Variants in TLN2 observed in about 807,000 individuals in gnomAD.
TLN2 encodes the protein talin-2.
A neutral mutation model predicts 294.7 loss-of-function variants in TLN2; 118 were observed. The observed-to-expected ratio is 0.40, with a 90% CI of 0.34 to 0.47. The LOEUF is 0.47. Among genes scored for constraint, TLN2 ranks in the 20% least tolerant of loss-of-function variants. TLN2 has a pLI of 0.84. For missense variants in TLN2, 3,083 were observed against 3,282.2 expected, an observed-to-expected ratio of 0.94 and a Z score of 1.48; for synonymous variants, 1,431 against 1,304.5, an observed-to-expected ratio of 1.10 and a Z score of -2.09.
intron 19 of TLN2, among the ~76,000 whole-genome samples, chr15:62,703,515 C>T (rs1255123717): frequency 2.6e-5 from 4 of 151,850 alleles, no homozygotes; most frequent in Non-Finnish European, 5.9e-5. Context: ...TCATTAGTTC[C>T]TGGCCAGTCT....
intron 23 of TLN2, among the ~76,000 whole-genome samples, chr15:62,717,066 T>C (rs2059825179): frequency 6.6e-6 from 1 of 152,164 alleles, no homozygotes; most frequent in Admixed American, 6.5e-5. Flanking sequence ...CAGTCTGCTA[T>C]ATTCTGGAAG....
At chr15:62,698,026 G>T (rs929426498) in intron 15 of TLN2, among the ~76,000 whole-genome samples, 158 bp downstream of exon 15, 1 of 152,166 alleles carries the variant, frequency 6.6e-6, no homozygotes, top group East Asian at 1.9e-4. Context: ...TGGATGACTC[G>T]GATCACTGCC....
intron 1 of TLN2, among the ~76,000 whole-genome samples, chr15:62,394,394 T>C (rs544597364): frequency 6.6e-6 from 1 of 152,188 alleles, no homozygotes; most frequent in East Asian, 1.9e-4. Context: ...TTATTTTTAT[T>C]AGGTACAAAA....
chr15:62,620,229 G>A (rs930297789), intron 3 of TLN2, among the ~76,000 whole-genome samples: 4 of 151,948 alleles, frequency 2.6e-5, no homozygotes, highest in African/African-American at 4.8e-5. Context: ...AATCTTTATC[G>A]AGGTTTTAAA....
intron 1 of TLN2, among the ~76,000 whole-genome samples, chr15:62,504,581 T>C (rs536427836): frequency 1.3e-5 from 2 of 152,334 alleles, no homozygotes; most frequent in Admixed American, 1.3e-4. Flanking sequence ...GGAGAATGGA[T>C]GGGCTTTTCA....
intron 1 of TLN2, among the ~76,000 whole-genome samples, chr15:62,575,020 A>C (rs757879197): frequency 6.6e-6 from 1 of 152,174 alleles, no homozygotes; most frequent in African/African-American, 2.4e-5. Flanking sequence ...AAAGTTTATT[A>C]TCTGTTTCAG....
chr15:62,554,906 A>G (rs1465076137), intron 1 of TLN2, among the ~76,000 whole-genome samples: 1 of 152,126 alleles, frequency 6.6e-6, no homozygotes, highest in Non-Finnish European at 1.5e-5. Flanking sequence ...AGGGTCTGGC[A>G]GAGATGTAGA....
chr15:62,585,079 A>G (rs1402639305), intron 1 of TLN2, among the ~76,000 whole-genome samples: 1 of 152,168 alleles, frequency 6.6e-6, no homozygotes, highest in African/African-American at 2.4e-5. Context: ...ATGGAATTTG[A>G]TGACAAATGG....
At chr15:62,690,725 T>A (rs982907300) in intron 12 of TLN2, among the ~76,000 whole-genome samples, 1 of 149,766 alleles carries the variant, frequency 6.7e-6, no homozygotes, top group Non-Finnish European at 1.5e-5. Context: ...TCGGCACCAT[T>A]GAGCACTGAG....
chr15:62,783,647 C>A (rs1167226388), intron 44 of TLN2, 124 bp from the exon 45 acceptor site: 16 of 1,449,182 alleles, frequency 1.1e-5, no homozygotes, highest in Non-Finnish European at 1.5e-5. Context: ...GCCTTCACCC[C>A]CTCAGGAGCT....
Position 62,797,203 on chromosome 15 carries a change from C to T in TLN2, c.6051-16C>T. On this transcript the variant is annotated splice_polypyrimidine_tract_variant and intron_variant, in intron 47 of 58. Transcript: ENST00000636159. ...TCTGTCTCTCCCCCTCTCCCCTGCC[C>T]TCCTGGCTCTCTCAGGGAGAACATT... The T allele has an allele frequency of 6.2e-7, 1 of 1,614,058 alleles. No individual in the cohort carries two copies. The highest frequency in any genetic ancestry group is 8.5e-7 in the Non-Finnish European group (1 of 1,180,016).
intron 12 of TLN2, among the ~76,000 whole-genome samples, chr15:62,692,477 C>G (rs189344868): frequency 6.6e-6 from 1 of 152,136 alleles, no homozygotes; most frequent in South Asian, 2.1e-4. Context: ...CTTGGGCTCC[C>G]CTTCTCCTAG....
chr15:62,490,194 G>A (rs2038632664), intron 1 of TLN2, among the ~76,000 whole-genome samples: 1 of 152,136 alleles, frequency 6.6e-6, no homozygotes, highest in Non-Finnish European at 1.5e-5. Flanking sequence ...TAAAGTGATA[G>A]CTAACATCAT....
intron 5 of TLN2, among the ~76,000 whole-genome samples, chr15:62,651,170 G>C (rs1163382221): frequency 6.6e-6 from 1 of 152,208 alleles, no homozygotes; most frequent in African/African-American, 2.4e-5. Flanking sequence ...TAACAGGCAA[G>C]TAGTCACCTC....
chr15:62,451,639 G>A (rs542748668), intron 1 of TLN2, among the ~76,000 whole-genome samples: 1 of 152,324 alleles, frequency 6.6e-6, no homozygotes, highest in South Asian at 2.1e-4. Context: ...CTGGGCGACA[G>A]AGTGAGACTC....
chr15:62,819,946 T>A (rs2270689), intron 53 of TLN2, among the ~76,000 whole-genome samples: 13,552 of 152,268 alleles, frequency 0.089, 610 homozygotes, highest in South Asian at 0.13. Context: ...TTATTCTCCT[T>A]CAAATAGTAC....
Position 62,762,392 on chromosome 15 carries a change from G to T in TLN2, c.4900G>T (p.Val1634Leu). ...INPKDPPTWS[V>L]LAGHSHTVSD... ...CCCCAAAGACCCACCCACCTGGTCT[G>T]TACTGGCTGGACATTCCCATACAGT... Residue 1634 changes from valine (V) to leucine (L), a missense_variant, in exon 39 of 59, where the codon GTA becomes TTA. Val to Leu is a conservative substitution (Grantham distance 32). Transcript: ENST00000636159. 4 of 1,614,166 alleles carry T rather than the reference G, an allele frequency of 2.5e-6. No individual in the cohort carries two copies. Among genetic ancestry groups the T allele is most frequent in the Non-Finnish European group, 3.4e-6 (4 of 1,180,032 alleles).
Position 62,809,982 on chromosome 15 carries a change from G to A in TLN2, c.6721G>A (p.Gly2241Arg), listed in dbSNP as rs1374322442. The A allele has an allele frequency of 1.9e-6, 3 of 1,614,066 alleles. No individual in the cohort carries two copies. Among genetic ancestry groups the A allele is most frequent in the Non-Finnish European group, 1.7e-6 (2 of 1,180,018 alleles). Reference protein sequence around the residue: ...DEVRTRALRFGTECTLGYLDL... With the variant: ...DEVRTRALRFRTECTLGYLDL... ...GGTGAGAACCAGAGCCTTGCGTTTC[G>A]GGACGGAGTGCACCCTTGGCTACTT... Residue 2241 changes from glycine to arginine, a missense_variant, in exon 52 of 59, where the codon GGG becomes AGG. Gly to Arg is a moderately radical substitution (Grantham distance 125). Coordinates refer to ENST00000636159, the MANE Select transcript of TLN2 (RefSeq NM_015059.3).
chr15:62,716,541 G>C (rs904420129), intron 23 of TLN2, 82 bp downstream of exon 23: 1 of 1,480,256 alleles, frequency 6.8e-7, no homozygotes, highest in African/African-American at 1.4e-5. Flanking sequence ...TTAACAAGGT[G>C]TTGACAATAT....
Sources: allele counts gnomAD v4.1 joint callset (sites outside exome capture counted in the v4.1 genomes callset), GRCh38; gene constraint gnomAD v4.1.1; transcripts MANE v1.5; gene names NCBI Gene and HGNC (gene_info 2026-07-23, HGNC 2026-07-21).